The following ABCC12 variants were observed in gnomAD, a reference collection of about 807,000 sequenced individuals.
ABCC12 encodes the protein ATP-binding cassette sub-family C member 12.
In ABCC12, 142 loss-of-function variants were observed where a neutral mutation model predicts 151.1. That is an observed-to-expected ratio of 0.94 (90% CI 0.82 to 1.08). The LOEUF (loss-of-function observed/expected upper bound fraction) is 1.08, where lower values mean the gene tolerates loss of function less well. Among genes scored for constraint, ABCC12 ranks in the 50% least tolerant of loss-of-function variants. The probability of loss-of-function intolerance (pLI) is 0.00; values close to 1 mark genes in which losing one functional copy is unlikely to be tolerated. For synonymous variants in ABCC12, 645 were observed against 646.4 expected, an observed-to-expected ratio of 1.00 and a Z score of 0.03; for missense variants, 1,638 against 1,691.1, an observed-to-expected ratio of 0.97 and a Z score of 0.55.
intron 15 of ABCC12, among the ~76,000 whole-genome samples, chr16:48,112,169 C>A (rs1963719855): frequency 6.6e-6 from 1 of 152,114 alleles, no homozygotes; most frequent in African/African-American, 2.4e-5. Context: ...GGCAGATTGG[C>A]CCCCAGCACA....
Position 48,104,262 on chromosome 16 carries a change from G to A in ABCC12, c.2780C>T (p.Ala927Val). Residue 927 changes from alanine (A) to valine (V), a missense_variant, in exon 22 of 31, where the codon GCA becomes GTA. Physicochemically the swap from Ala to Val is moderately conservative, Grantham distance 64. Coordinates refer to ENST00000311303, the MANE Select transcript of ABCC12 (RefSeq NM_001393797.1). ...DELDVRLPFH[A>V]ENFLQQFFMV... ...AAAAAACTGCTGCAGAAAGTTCTCT[G>A]CGTGAAACGGCAGCCTCACATCCAG... 6.2e-7 allele frequency: 1 copy of A among 1,614,260 alleles called. No homozygotes were observed. The highest frequency in any genetic ancestry group is 8.5e-7 in the Non-Finnish European group (1 of 1,180,054).
intron 2 of ABCC12, among the ~76,000 whole-genome samples, chr16:48,151,345 G>T (rs535120305): frequency 1.3e-5 from 2 of 152,150 alleles, no homozygotes; most frequent in Non-Finnish European, 2.9e-5. Flanking sequence ...AACTGTCAAG[G>T]TCATCAAAGA....
rs371090457 is a variant in ABCC12, at chr16:48,140,934, T to C, written c.424-14A>G. 3,672 of 1,609,206 alleles carry C rather than the reference T, an allele frequency of 2.3e-3. 125 individuals are homozygous for C. In the South Asian group the frequency reaches 0.038, roughly 17 times the overall value. ...AATGAGAACTGTCTGTAAAACAGCATGGTGGGGAGAAGAGAGGGCCACTGA... is the reference window on the plus strand; with the variant it reads ...AATGAGAACTGTCTGTAAAACAGCACGGTGGGGAGAAGAGAGGGCCACTGA... On this transcript the variant is annotated splice_polypyrimidine_tract_variant and intron_variant, in intron 5 of 30. Transcript: ENST00000311303.
chr16:48,105,836 G>A (rs1223406588), intron 20 of ABCC12, among the ~76,000 whole-genome samples: 1 of 152,198 alleles, frequency 6.6e-6, no homozygotes, highest in Non-Finnish European at 1.5e-5. Flanking sequence ...TGATGGGCCA[G>A]CTCCACAGTC....
intron 18 of ABCC12, among the ~76,000 whole-genome samples, chr16:48,109,923 C>T (rs1215657279): frequency 6.6e-6 from 1 of 152,232 alleles, no homozygotes; most frequent in Admixed American, 6.5e-5. Flanking sequence ...CTCCAGCTTT[C>T]ACCGCCCTTG....
At chr16:48,130,051 A>C (rs1567454609) in intron 10 of ABCC12, among the ~76,000 whole-genome samples, 1 of 152,222 alleles carries the variant, frequency 6.6e-6, no homozygotes, top group Non-Finnish European at 1.5e-5. Flanking sequence ...TGCATGAATC[A>C]GGATGCTTAC....
intron 7 of ABCC12, 133 bp from the exon 8 acceptor site, chr16:48,138,508 T>G: frequency 9.7e-7 from 1 of 1,032,578 alleles, no homozygotes; most frequent in Non-Finnish European, 1.4e-6. Context: ...AGCCAAGTTC[T>G]TCCCTTGAGT....
At chr16:48,144,423 T>C (rs1205285899) in intron 3 of ABCC12, among the ~76,000 whole-genome samples, 1 of 152,144 alleles carries the variant, frequency 6.6e-6, no homozygotes, top group Non-Finnish European at 1.5e-5. Flanking sequence ...TCCTTCTTTT[T>C]TCCCCTCCCA....
At position 48,128,711 on chromosome 16, in the gene ABCC12, TG is replaced by T. The variant is rs751253143; in HGVS notation, c.1262del (p.Pro421HisfsTer16). The part of the protein sequence containing the change: ...MKKILIDKSP[P>X]SYITQPEDPD... Reference sequence around the variant, plus strand: ...GGTCTTCTGGTTGGGTGATGTAAGATGGGGGGCTTTTATCTATGAGAATTTT... The same window carrying T: ...GGTCTTCTGGTTGGGTGATGTAAGATGGGGGCTTTTATCTATGAGAATTTT... On this transcript the variant is annotated frameshift_variant, in exon 11 of 31. Transcript: ENST00000311303. LOFTEE classifies it high-confidence loss of function. 4.3e-6 allele frequency: 7 copies of T among 1,613,648 alleles called. No individual in the cohort carries two copies. In the Admixed American group the frequency reaches 1.2e-4, roughly 27 times the overall value.
At chr16:48,150,636 G>A (rs779098562) in intron 2 of ABCC12, among the ~76,000 whole-genome samples, 1 of 152,036 alleles carries the variant, frequency 6.6e-6, no homozygotes, top group Non-Finnish European at 1.5e-5. Flanking sequence ...ATTTCTCCAA[G>A]TACTTGAATC....
Position 48,105,225 on chromosome 16 carries a change from G to A in ABCC12, c.2587C>T (p.Leu863=). 1 of 1,614,154 alleles carries A rather than the reference G, an allele frequency of 6.2e-7. No homozygotes were observed. Among genetic ancestry groups the A allele is most frequent in the Non-Finnish European group, 8.5e-7 (1 of 1,180,040 alleles). The stretch of plus-strand genomic sequence containing the variant: ...AAGCCTTTGGTGACGCCAAACACCA[G>A]CATGAACACCATGCTTGCAGTGTAC... ...WVYTASMVFM[L]VFGVTKGFVF... The change falls in exon 21 of 31, where the codon CTG becomes TTG. Residue 863 remains leucine, a synonymous_variant. Coordinates refer to ENST00000311303, the MANE Select transcript of ABCC12 (RefSeq NM_001393797.1).
In ABCC12 at chr16:48,088,534, C is replaced by T. The variant is rs779357178; in HGVS notation, c.3475+11G>A. On this transcript the variant is annotated intron_variant, in intron 26 of 30. Coordinates refer to ENST00000311303, the MANE Select transcript of ABCC12 (RefSeq NM_001393797.1). Reference sequence around the variant, plus strand: ...CAACCCAAAAGAAACAAAAGCAGAGCTTGTCCTCACCGGAACCTGTTCTTC... The same window carrying T: ...CAACCCAAAAGAAACAAAAGCAGAGTTTGTCCTCACCGGAACCTGTTCTTC... 1.6e-5 allele frequency: 25 copies of T among 1,611,820 alleles called. No homozygotes were observed. The highest frequency in any genetic ancestry group is 2.0e-5 in the Non-Finnish European group (24 of 1,178,692).
chr16:48,151,432 G>A (rs182585446), intron 2 of ABCC12, among the ~76,000 whole-genome samples: 5 of 152,208 alleles, frequency 3.3e-5, no homozygotes, highest in Non-Finnish European at 7.4e-5. Context: ...GAGGCATCTT[G>A]GATGAGATCC....
chr16:48,141,358 G>A lies in ABCC12; in HGVS notation c.276-5C>T, dbSNP rs1964808593. The A allele has an allele frequency of 6.2e-7, 1 of 1,612,996 alleles. No homozygotes were observed. The highest frequency in any genetic ancestry group is 8.5e-7 in the Non-Finnish European group (1 of 1,179,770). On this transcript the variant is annotated splice_polypyrimidine_tract_variant and splice_region_variant and intron_variant, in intron 4 of 30. Coordinates refer to ENST00000311303, the MANE Select transcript of ABCC12 (RefSeq NM_001393797.1). ...TCATCCCAAAGGACTCGAAATCTGTGATGAAAAAACAGAAGCATAAAATGG... is the reference window on the plus strand; with the variant it reads ...TCATCCCAAAGGACTCGAAATCTGTAATGAAAAAACAGAAGCATAAAATGG...
At chr16:48,128,808 T>C (rs1964327441) in intron 10 of ABCC12, 71 bp from the exon 11 acceptor site, 1 of 1,526,736 alleles carries the variant, frequency 6.5e-7, no homozygotes, top group African/African-American at 1.4e-5. Context: ...ATGTATCTTC[T>C]AATGACCCCA....
At chr16:48,091,006 C>T (rs1339796168) in intron 25 of ABCC12, 114 bp downstream of exon 25, 15 of 1,040,468 alleles carry the variant, frequency 1.4e-5, no homozygotes, top group South Asian at 5.2e-5. Flanking sequence ...CCACCACGCC[C>T]GGCCCGATTT....
chr16:48,116,712 TCTC>T (rs2150627396), intron 14 of ABCC12, among the ~76,000 whole-genome samples: 1 of 152,168 alleles, frequency 6.6e-6, no homozygotes, highest in East Asian at 1.9e-4. Flanking sequence ...AGCCTTCTGA[TCTC>T]CTCTGGGGCT....
intron 2 of ABCC12, among the ~76,000 whole-genome samples, chr16:48,153,378 G>C (rs1965141169): frequency 6.7e-6 from 1 of 150,216 alleles, no homozygotes; most frequent in African/African-American, 2.5e-5. Flanking sequence ...AGCCCTAAAG[G>C]GGATGATTTT....
At chr16:48,084,141 T>G (rs776536714) in intron 29 of ABCC12, 68 bp from the exon 30 acceptor site, 9 of 1,453,174 alleles carry the variant, frequency 6.2e-6, no homozygotes, top group Non-Finnish European at 8.3e-6. Flanking sequence ...CGGCTCTATT[T>G]ACTTTAAAAA....
Sources: allele counts gnomAD v4.1 joint callset (sites outside exome capture counted in the v4.1 genomes callset), GRCh38; gene constraint gnomAD v4.1.1; transcripts MANE v1.5; gene names NCBI Gene and HGNC (gene_info 2026-07-23, HGNC 2026-07-21).